ADGB: variants seen among roughly 807,000 people sequenced by gnomAD.
The protein encoded by ADGB is androglobin, also known as calpain-7-like protein.
In ADGB, 172 loss-of-function variants were observed where a neutral mutation model predicts 210.5. The observed-to-expected ratio is 0.82, with a 90% confidence interval of 0.72 to 0.93. The LOEUF is 0.93. ADGB is among the 40% of genes least tolerant of loss of function. The pLI is 0.00. For synonymous variants in ADGB, 658 were observed against 662.7 expected (o/e 0.99, Z 0.11); for missense variants, 2,025 against 1,964.8 (o/e 1.03, Z -0.58).
At chr6:146,679,499 C>A (rs1207132683) in intron 9 of ADGB, among the ~76,000 whole-genome samples, 1 of 152,212 alleles carries the variant, frequency 6.6e-6, no homozygotes, top group Non-Finnish European at 1.5e-5. Flanking sequence ...AGGGGACACA[C>A]TGTAGTCACT....
At chr6:146,763,322 C>A (rs1193666934) in intron 27 of ADGB, among the ~76,000 whole-genome samples, 2 of 152,064 alleles carry the variant, frequency 1.3e-5, no homozygotes, top group Non-Finnish European at 2.9e-5. Flanking sequence ...ATTAGAATAT[C>A]CCTGTGTCAG....
chr6:146,632,889 C>A (rs536242470), intron 1 of ADGB, among the ~76,000 whole-genome samples: 9 of 152,112 alleles, frequency 5.9e-5, no homozygotes, highest in African/African-American at 2.2e-4. Context: ...CTTGCTCAAT[C>A]TATACCAGCT....
chr6:146,791,628 C>T (rs1158553600), intron 33 of ADGB, among the ~76,000 whole-genome samples: 2 of 152,274 alleles, frequency 1.3e-5, no homozygotes, highest in Non-Finnish European at 2.9e-5. Context: ...CAGGCATGAG[C>T]CACCCTGGCC....
chr6:146,773,055 C>T (rs907000807), intron 29 of ADGB, among the ~76,000 whole-genome samples: 1 of 152,008 alleles, frequency 6.6e-6, no homozygotes, highest in Non-Finnish European at 1.5e-5. Context: ...GACAGAGCAA[C>T]AAGGAGAGTA....
chr6:146,772,433 A>G (rs781008519), intron 29 of ADGB, among the ~76,000 whole-genome samples: 44 of 147,452 alleles, frequency 3.0e-4, no homozygotes, highest in Non-Finnish European at 1.2e-4. Context: ...TTATATATAT[A>G]TATCACACAG....
rs1778126998 is a variant in ADGB at position 146,801,239 on chromosome 6, C to T, written c.4594C>T (p.Arg1532Ter). ...TTTGGAAACATCTCCACGACTTATT[C>T]GAAAAGCACTAGAATTTATGGATTT... is the stretch of plus-strand genomic sequence containing the variant. ...TILETSPRLI[R>*]KALEFMDLSQ... Residue 1532 changes from arginine to a stop codon, truncating the protein, a stop_gained, in exon 34 of 36, where the codon CGA (arginine) becomes TGA (stop). Coordinates refer to ENST00000397944, the MANE Select transcript of ADGB (RefSeq NM_024694.4). LOFTEE classifies it high-confidence loss of function. 9.9e-6 allele frequency: 15 copies of T among 1,512,214 alleles called. No individual in the cohort carries two copies. Among genetic ancestry groups the T allele is most frequent in the East Asian group, 7.9e-5 (3 of 37,934 alleles). The allele number at this position is 1,512,214 out of a possible 1,614,324, so 93.7% of individuals were successfully genotyped here.
chr6:146,704,078 T>G (rs916039262), intron 13 of ADGB, among the ~76,000 whole-genome samples: 4 of 152,048 alleles, frequency 2.6e-5, no homozygotes, highest in African/African-American at 9.7e-5. Context: ...GAGCATTTTT[T>G]AAAACACATA....
At chr6:146,644,061 G>A (rs1332988125) in intron 2 of ADGB, among the ~76,000 whole-genome samples, 1 of 151,842 alleles carries the variant, frequency 6.6e-6, no homozygotes, top group Non-Finnish European at 1.5e-5. Flanking sequence ...GGGATGGGGA[G>A]TGGGAGCATA....
intron 2 of ADGB, among the ~76,000 whole-genome samples, chr6:146,641,586 C>T (rs1775516059): frequency 1.3e-5 from 2 of 151,696 alleles, no homozygotes; most frequent in African/African-American, 4.8e-5. Flanking sequence ...AGTAGAGAGC[C>T]CATAAGTAAG....
chr6:146,768,967 G>A (rs2114630950), intron 28 of ADGB, 53 bp from the exon 29 acceptor site: 1 of 943,578 alleles, frequency 1.1e-6, no homozygotes, highest in Non-Finnish European at 1.6e-6. Flanking sequence ...ATGACATTAG[G>A]CACATACCAT....
intron 25 of ADGB, among the ~76,000 whole-genome samples, chr6:146,741,803 C>T (rs1474408490): frequency 1.3e-5 from 2 of 152,332 alleles, no homozygotes; most frequent in Admixed American, 6.5e-5. Context: ...TTCACTCAAA[C>T]CACATTGCTT....
chr6:146,675,858 C>T (rs1336852840), intron 8 of ADGB, among the ~76,000 whole-genome samples: 2 of 152,068 alleles, frequency 1.3e-5, no homozygotes, highest in African/African-American at 4.8e-5. Flanking sequence ...CTGGGCTCCA[C>T]AAGAAAATAT....
chr6:146,799,800 TTTG>T (rs966263828), intron 33 of ADGB, among the ~76,000 whole-genome samples: 21 of 151,804 alleles, frequency 1.4e-4, no homozygotes, highest in South Asian at 6.3e-4. Context: ...AACTGTTTCT[TTTG>T]TTGTTGTTGT....
intron 35 of ADGB, among the ~76,000 whole-genome samples, chr6:146,812,070 A>C (rs184669960): frequency 2.0e-4 from 31 of 152,172 alleles, no homozygotes; most frequent in Non-Finnish European, 4.0e-4. Flanking sequence ...GCTTATTTTG[A>C]ATCATTATGT....
chr6:146,766,959 G>A (rs1349015285), intron 28 of ADGB, among the ~76,000 whole-genome samples: 1 of 152,086 alleles, frequency 6.6e-6, no homozygotes. Context: ...CACTAGATGA[G>A]AACAATCATA....
intron 5 of ADGB, among the ~76,000 whole-genome samples, chr6:146,658,679 T>C (rs1156927812): frequency 2.0e-5 from 3 of 152,224 alleles, no homozygotes. Context: ...TTATTTCTCC[T>C]TAATCATACT....
At chr6:146,666,626 A>C (rs1328220289) in intron 6 of ADGB, among the ~76,000 whole-genome samples, 190 bp from the exon 7 acceptor site, 1 of 152,022 alleles carries the variant, frequency 6.6e-6, no homozygotes, top group Non-Finnish European at 1.5e-5. Context: ...AATACAAATG[A>C]AATTAATTAT....
intron 1 of ADGB, among the ~76,000 whole-genome samples, chr6:146,606,812 T>C (rs1479368484): frequency 6.6e-6 from 1 of 152,214 alleles, no homozygotes; most frequent in Non-Finnish European, 1.5e-5. Context: ...AGCCTTGTAG[T>C]ATAGTCTGAA....
At chr6:146,745,808 C>A in intron 25 of ADGB, 114 bp from the exon 26 acceptor site, 1 of 725,106 alleles carries the variant, frequency 1.4e-6, no homozygotes, top group Non-Finnish European at 2.0e-6. Context: ...ATTAAGAGAT[C>A]TTGGGACCTG....
Sources: gnomAD v4.1 joint callset for allele counts (sites outside exome capture counted in the v4.1 genomes callset) on GRCh38, gnomAD v4.1.1 for gene constraint, MANE v1.5 for transcripts, NCBI Gene and HGNC (gene_info 2026-07-23, HGNC 2026-07-21) for gene names.